The following TIAM2 variants were observed in gnomAD, a reference collection of about 807,000 sequenced individuals.
TIAM2 encodes TIAM Rac1 associated GEF 2.
TIAM2 carries 80 observed loss-of-function variants against 152.9 expected under a neutral mutation model. The ratio of observed to expected loss-of-function variants is 0.52; its 90% CI spans 0.44 to 0.63. The LOEUF is 0.63. TIAM2 is among the 30% of genes least tolerant of loss of function. The probability of loss-of-function intolerance (pLI) is 0.00; values close to 1 mark genes in which losing one functional copy is unlikely to be tolerated. For missense variants in TIAM2, 1,965 were observed against 2,120.1 expected, an observed-to-expected ratio of 0.93 and a Z score of 1.44; for synonymous variants, 804 against 838.0, an observed-to-expected ratio of 0.96 and a Z score of 0.70.
intron 2 of TIAM2, among the ~76,000 whole-genome samples, chr6:155,099,418 CT>C (rs756756645): frequency 6.6e-6 from 1 of 152,044 alleles, no homozygotes; most frequent in Non-Finnish European, 1.5e-5. Context: ...TTTGAATTTT[CT>C]CAAAATTGAC....
Position 155,028,193 on chromosome 6 carries a change from T to C in TIAM2, c.-209+32701T>C, listed in dbSNP as rs926889657. ...TAATATATGTACTGTGTTACATATA[T>C]ACTACATATAATATATGTACTGTGT... On this transcript the variant is annotated intron_variant, in intron 1 of 26. Coordinates refer to ENST00000682666, the MANE Select transcript of TIAM2 (RefSeq NM_012454.4). 5.5e-4 allele frequency among the ~76,000 whole-genome samples: 71 copies of C among 128,356 alleles called. 4 individuals are homozygous for C. Among genetic ancestry groups the C allele is most frequent in the Non-Finnish European group, 9.6e-4 (59 of 61,246 alleles). The allele number at this position is 128,356 out of a possible 152,430, so 84.2% of individuals were successfully genotyped here.
intron 1 of TIAM2, among the ~76,000 whole-genome samples, chr6:155,085,737 TG>T (rs1388474825): frequency 6.6e-6 from 1 of 152,196 alleles, no homozygotes; most frequent in East Asian, 1.9e-4. Context: ...ACTGATGTCA[TG>T]GTGCAAACAG....
In TIAM2 at chr6:155,257,067, A is replaced by G. The variant is rs1784098163; in HGVS notation, c.5052A>G (p.Thr1684=). ...GAGAATTCAGTGTCCAGAGTTTAAC[A>G]TCTGTTGTCAGTGAGGAGTGTTTTT... ...LEREFSVQSL[T]SVVSEECFYE... The change falls in exon 27 of 27, where the codon ACA becomes ACG. Residue 1684 remains threonine (T), a synonymous_variant. Coordinates refer to ENST00000682666, the MANE Select transcript of TIAM2 (RefSeq NM_012454.4). 1.2e-6 allele frequency: 2 copies of G among 1,614,100 alleles called. No individual in the cohort carries two copies. The highest frequency in any genetic ancestry group is 1.6e-4 in the Middle Eastern group (1 of 6,062).
chr6:155,103,425 T>G (rs1778591090), intron 2 of TIAM2, among the ~76,000 whole-genome samples: 1 of 152,134 alleles, frequency 6.6e-6, no homozygotes, highest in South Asian at 2.1e-4. Flanking sequence ...TAAGAAAACC[T>G]AGAAGCAGGA....
At chr6:155,055,379 G>A (rs1777423053) in intron 1 of TIAM2, among the ~76,000 whole-genome samples, 1 of 152,056 alleles carries the variant, frequency 6.6e-6, no homozygotes, top group African/African-American at 2.4e-5. Flanking sequence ...AAGTTCCTGA[G>A]GAATCCATTT....
At chr6:155,108,574 T>A (rs1778753587) in intron 2 of TIAM2, among the ~76,000 whole-genome samples, 1 of 152,230 alleles carries the variant, frequency 6.6e-6, no homozygotes, top group Non-Finnish European at 1.5e-5. Context: ...GATAACACCT[T>A]TTTTCAATAC....
rs569900319 is a variant in TIAM2, at chr6:155,185,489, CTTTTATTT to C, written c.3064+1990_3064+1997del. ...AGGATCAAGCAGGTGAGTTAAGCCA[CTTTTATTT>C]ATTTATTTATTTATTTATTTATTTA... On this transcript the variant is annotated intron_variant, in intron 14 of 26. Transcript: ENST00000682666. 7.2e-3 allele frequency among the ~76,000 whole-genome samples: 982 copies of C among 137,212 alleles called. 7 individuals carry two copies. The highest frequency in any genetic ancestry group is 0.01 in the Non-Finnish European group (665 of 64,666). 90.0% of individuals were successfully genotyped at this position (137,212 alleles called of 152,430 possible).
intron 1 of TIAM2, among the ~76,000 whole-genome samples, chr6:155,070,576 T>C (rs980648754): frequency 2.6e-5 from 4 of 152,154 alleles, no homozygotes; most frequent in Non-Finnish European, 1.5e-5. Context: ...TTTAATCCTA[T>C]ACCATGTAGT....
intron 14 of TIAM2, among the ~76,000 whole-genome samples, chr6:155,203,739 C>T (rs1162350818): frequency 6.6e-6 from 1 of 152,090 alleles, no homozygotes; most frequent in African/African-American, 2.4e-5. Flanking sequence ...AGATGAGAGT[C>T]CCACTGAAAT....
At chr6:155,117,544 G>A (rs1352244406) in intron 2 of TIAM2, among the ~76,000 whole-genome samples, 1 of 152,184 alleles carries the variant, frequency 6.6e-6, no homozygotes, top group African/African-American at 2.4e-5. Context: ...CTGGGCTCAA[G>A]CAATTCTCCT....
intron 1 of TIAM2, among the ~76,000 whole-genome samples, chr6:155,034,563 T>C (rs931261271): frequency 6.6e-6 from 1 of 152,194 alleles, no homozygotes; most frequent in African/African-American, 2.4e-5. Context: ...CTAGGTCCAG[T>C]ATTTTAACCT....
At chr6:155,126,965 C>G (rs1352713988) in intron 2 of TIAM2, among the ~76,000 whole-genome samples, 1 of 152,226 alleles carries the variant, frequency 6.6e-6, no homozygotes, top group Admixed American at 6.5e-5. Flanking sequence ...TGCCTTATCC[C>G]TCAGAGGGGG....
intron 5 of TIAM2, among the ~76,000 whole-genome samples, chr6:155,141,394 T>TACACAC (rs67844080): frequency 3.3e-4 from 50 of 150,246 alleles, no homozygotes; most frequent in African/African-American, 9.3e-4. Context: ...CATATATGTG[T>TACACAC]ACACACACAC....
chr6:155,061,877 T>G (rs371119654), intron 1 of TIAM2, among the ~76,000 whole-genome samples: 2 of 152,302 alleles, frequency 1.3e-5, no homozygotes, highest in East Asian at 3.9e-4. Flanking sequence ...TACAGTTTTA[T>G]GGGTTTTTCA....
chr6:155,181,467 G>A (rs563495330), intron 12 of TIAM2, among the ~76,000 whole-genome samples: 1 of 152,040 alleles, frequency 6.6e-6, no homozygotes, highest in East Asian at 1.9e-4. Flanking sequence ...TTTAATTGTG[G>A]TAATAGACAT....
intron 14 of TIAM2, among the ~76,000 whole-genome samples, chr6:155,193,940 G>C (rs1489451412): frequency 2.6e-5 from 4 of 152,212 alleles, no homozygotes; most frequent in African/African-American, 9.6e-5. Flanking sequence ...TTTGACATTT[G>C]ACATTTTTCT....
intron 1 of TIAM2, among the ~76,000 whole-genome samples, chr6:155,020,611 A>G (rs1217354914): frequency 6.6e-6 from 1 of 151,784 alleles, no homozygotes; most frequent in Non-Finnish European, 1.5e-5. Flanking sequence ...ACAGGAGTGC[A>G]TCACCACACC....
intron 16 of TIAM2, among the ~76,000 whole-genome samples, chr6:155,242,091 C>T (rs1783059469): frequency 6.6e-6 from 1 of 152,210 alleles, no homozygotes; most frequent in Non-Finnish European, 1.5e-5. Context: ...ACCGACTCTC[C>T]CTTCTCTCTG....
Position 155,130,232 on chromosome 6 carries a change from T to A in TIAM2, c.1009T>A (p.Ser337Thr). ...CCTGAGCAACCGTGTCTCTTTTGCT[T>A]CCGACATTGATGTGCCCTCCAGAGT... The part of the protein sequence containing the change: ...ASLSNRVSFA[S>T]DIDVPSRVAH... Residue 337 changes from serine to threonine, a missense_variant, in exon 4 of 27, where the codon TCC becomes ACC. Physicochemically the swap from Ser to Thr is moderately conservative, Grantham distance 58 (BLOSUM62 1). Coordinates refer to ENST00000682666, the MANE Select transcript of TIAM2 (RefSeq NM_012454.4). 1 of 1,614,160 alleles carries A rather than the reference T, an allele frequency of 6.2e-7. No homozygotes were observed. The highest frequency in any genetic ancestry group is 8.5e-7 in the Non-Finnish European group (1 of 1,180,026).
Sources: allele counts gnomAD v4.1 joint callset (sites outside exome capture counted in the v4.1 genomes callset), GRCh38; gene constraint gnomAD v4.1.1; transcripts MANE v1.5; gene names NCBI Gene and HGNC (gene_info 2026-07-23, HGNC 2026-07-21).